PLA2R1: variants seen among roughly 807,000 people sequenced by gnomAD.
PLA2R1 encodes the protein phospholipase A2 receptor 1, also known as secretory phospholipase A2 receptor.
PLA2R1 carries 158 observed loss-of-function variants against 195.9 expected under a neutral mutation model. The observed-to-expected ratio is 0.81, with a 90% CI of 0.71 to 0.92. The LOEUF is 0.92. PLA2R1 is among the 40% of genes least tolerant of loss of function. PLA2R1 has a pLI of 0.00. For synonymous variants in PLA2R1, 586 were observed against 598.2 expected, an observed-to-expected ratio of 0.98 and a Z score of 0.30; for missense variants, 1,626 against 1,764.6, an observed-to-expected ratio of 0.92 and a Z score of 1.41.
At chr2:159,975,874 T>C (rs904980114) in intron 17 of PLA2R1, among the ~76,000 whole-genome samples, 194 bp downstream of exon 17, 4 of 152,124 alleles carry the variant, frequency 2.6e-5, no homozygotes, top group African/African-American at 9.7e-5. Context: ...AACCTGTACC[T>C]CCATTATTTT....
chr2:160,055,025 G>A (rs1695445552), intron 1 of PLA2R1, among the ~76,000 whole-genome samples: 1 of 152,178 alleles, frequency 6.6e-6, no homozygotes, highest in Non-Finnish European at 1.5e-5. Context: ...TCAAAGAAGG[G>A]GAGCTGCAGG....
chr2:160,050,539 C>T (rs1017159021), intron 1 of PLA2R1, among the ~76,000 whole-genome samples: 1 of 151,992 alleles, frequency 6.6e-6, no homozygotes, highest in African/African-American at 2.4e-5. Flanking sequence ...TCATTTATAA[C>T]TTAGAAGAAA....
chr2:160,013,715 C>CTGTGTG (rs1558927420), intron 9 of PLA2R1, among the ~76,000 whole-genome samples: 1 of 107,544 alleles, frequency 9.3e-6, no homozygotes, highest in African/African-American at 3.6e-5. Flanking sequence ...CTCTCTCTCT[C>CTGTGTG]TCTCTCTGTG....
At chr2:159,960,764 T>C (rs1688386466) in intron 20 of PLA2R1, among the ~76,000 whole-genome samples, 1 of 152,212 alleles carries the variant, frequency 6.6e-6, no homozygotes, top group South Asian at 2.1e-4. Context: ...TATGAGACAT[T>C]AGAAAAGATG....
At chr2:160,048,706 CTTG>C (rs1355326044) in intron 1 of PLA2R1, among the ~76,000 whole-genome samples, 11 of 152,128 alleles carry the variant, frequency 7.2e-5, no homozygotes, top group Non-Finnish European at 1.6e-4. Flanking sequence ...ATCAGTTCTG[CTTG>C]AACACTGATT....
chr2:159,998,590 G>A (rs895267647), intron 11 of PLA2R1, among the ~76,000 whole-genome samples: 3 of 152,100 alleles, frequency 2.0e-5, no homozygotes, highest in Non-Finnish European at 4.4e-5. Flanking sequence ...CCTATACCTA[G>A]AGAAGAAGTG....
intron 6 of PLA2R1, among the ~76,000 whole-genome samples, chr2:160,026,872 C>T (rs957381920): frequency 1.3e-5 from 2 of 152,104 alleles, no homozygotes; most frequent in Non-Finnish European, 2.9e-5. Context: ...TGGTGGCTCA[C>T]GCCGTAATCC....
intron 3 of PLA2R1, among the ~76,000 whole-genome samples, chr2:160,037,009 C>A (rs1461051791): frequency 6.6e-6 from 1 of 152,214 alleles, no homozygotes; most frequent in Non-Finnish European, 1.5e-5. Context: ...TACTCCAACA[C>A]CTGACAGCTC....
In PLA2R1 at chr2:160,041,713, T is replaced by C. The variant is rs569149467; in HGVS notation, c.667+312A>G. ...ATGCAATCAGGTTTGTTTTGAAGTA[T>C]CCAGCCAAGAAGCTGGGATCAATGA... On this transcript the variant is annotated intron_variant, in intron 3 of 29. Coordinates refer to ENST00000283243, the MANE Select transcript of PLA2R1 (RefSeq NM_007366.5). Among the ~76,000 whole-genome samples the C allele has an allele frequency of 7.9e-5, 12 of 152,340 alleles. No homozygotes were observed. The South Asian group carries it at 2.5e-3, about 32-fold the overall frequency.
chr2:159,992,171 T>C (rs1192439019), intron 11 of PLA2R1, among the ~76,000 whole-genome samples: 1 of 151,172 alleles, frequency 6.6e-6, no homozygotes, highest in African/African-American at 2.4e-5. Flanking sequence ...TGGTGTGAGA[T>C]GGGTATCTCA....
chr2:159,947,371 G>A, intron 26 of PLA2R1, 48 bp downstream of exon 26: 1 of 1,518,312 alleles, frequency 6.6e-7, no homozygotes, highest in Non-Finnish European at 8.9e-7. Flanking sequence ...TACTGAAATG[G>A]CAAGAAGGAG....
chr2:159,943,152 T>A (rs906017050), intron 28 of PLA2R1, among the ~76,000 whole-genome samples: 8 of 152,114 alleles, frequency 5.3e-5, no homozygotes, highest in Admixed American at 1.3e-4. Flanking sequence ...GTATTTTTAG[T>A]AGAGATGGAG....
At chr2:159,945,816 A>T in intron 27 of PLA2R1, 4 of 978,182 alleles carry the variant, frequency 4.1e-6, no homozygotes, top group Non-Finnish European at 4.9e-6. Flanking sequence ...AGGCATTAAT[A>T]AAGTTGCCTC....
Position 159,980,072 on chromosome 2 carries a change from G to GA in PLA2R1, c.2184-159dup, listed in dbSNP as rs532396902. ...AACTTAAAGTATAATAATAATAAAA[G>GA]AAAAAATATTTTAAAATATTTATGT... On this transcript the variant is annotated intron_variant, in intron 13 of 29. Transcript: ENST00000283243. Among the ~76,000 whole-genome samples, 569 of 152,044 alleles carry GA rather than the reference G, an allele frequency of 3.7e-3. 1 individual carries two copies. The highest frequency in any genetic ancestry group is 0.013 in the African/African-American group (537 of 41,494).
intron 20 of PLA2R1, 40 bp downstream of exon 20, chr2:159,967,499 C>G: frequency 1.3e-6 from 2 of 1,583,578 alleles, no homozygotes; most frequent in Non-Finnish European, 1.7e-6. Context: ...TTAGTGTCTA[C>G]AAAAGAGAAA....
Position 160,028,198 on chromosome 2 carries a change from C to T in PLA2R1, c.1099+20G>A. 1 of 1,541,172 alleles carries T rather than the reference C, an allele frequency of 6.5e-7. No homozygotes were observed. Among genetic ancestry groups the T allele is most frequent in the Middle Eastern group, 1.7e-4 (1 of 5,890 alleles). On this transcript the variant is annotated intron_variant, in intron 6 of 29. Coordinates refer to ENST00000283243, the MANE Select transcript of PLA2R1 (RefSeq NM_007366.5). ...ACAAGTCAACAACACCTAAGAACAA[C>T]TTAAAATAAAAACGCTTACCAACTA... is the stretch of plus-strand genomic sequence containing the variant.
chr2:159,976,212 G>C lies in PLA2R1; in HGVS notation c.2451C>G (p.Leu817=), dbSNP rs935333727. Residue 817 remains leucine (L), a synonymous_variant, in exon 17 of 30, where the codon CTC becomes CTG. Transcript: ENST00000283243. ...AAAGGTATTCTGCATCCTGATAAAA[G>C]AGCCAGGGTACATCTGAAAAAGAAA... The part of the protein sequence containing the change: ...PFWYQYDVPW[L]FYQDAEYLFH... 28 of 1,606,556 alleles carry C rather than the reference G, an allele frequency of 1.7e-5. No homozygotes were observed. The highest frequency in any genetic ancestry group is 2.3e-5 in the Non-Finnish European group (27 of 1,175,728).
At chr2:160,015,684 C>T (rs1013561418) in intron 9 of PLA2R1, among the ~76,000 whole-genome samples, 3 of 152,140 alleles carry the variant, frequency 2.0e-5, no homozygotes, top group African/African-American at 7.2e-5. Context: ...ATAACTAATT[C>T]AGAGATTATA....
intron 1 of PLA2R1, 56 bp downstream of exon 1, chr2:160,062,239 C>T: frequency 7.7e-7 from 1 of 1,291,000 alleles, no homozygotes; most frequent in Non-Finnish European, 1.0e-6. Flanking sequence ...CTCCTTCGAC[C>T]ACCCCGACCC....
Sources: allele counts gnomAD v4.1 joint callset (sites outside exome capture counted in the v4.1 genomes callset), GRCh38; gene constraint gnomAD v4.1.1; transcripts MANE v1.5; gene names NCBI Gene and HGNC (gene_info 2026-07-23, HGNC 2026-07-21).